Variants in TCF12 observed in about 807,000 individuals in gnomAD.
TCF12 encodes DNA-binding protein HTF4.
A neutral mutation model predicts 86.0 loss-of-function variants in TCF12; 45 were observed. That is an observed-to-expected ratio of 0.52 (90% CI 0.41 to 0.67). TCF12 has a LOEUF of 0.67. Ranked by LOEUF, TCF12 falls within the 30% of genes least tolerant of loss-of-function variation. The pLI is 0.00. For synonymous variants in TCF12, 330 were observed against 299.6 expected, an observed-to-expected ratio of 1.10 and a Z score of -1.05; for missense variants, 881 against 859.9, an observed-to-expected ratio of 1.02 and a Z score of -0.31.
At chr15:57,066,875 C>G (rs1423399899) in intron 4 of TCF12, among the ~76,000 whole-genome samples, 1 of 152,120 alleles carries the variant, frequency 6.6e-6, no homozygotes, top group African/African-American at 2.4e-5. Context: ...TGAACTTATT[C>G]TTTATTTAAT....
At chr15:57,082,433 A>T (rs1882660601) in intron 4 of TCF12, among the ~76,000 whole-genome samples, 1 of 152,230 alleles carries the variant, frequency 6.6e-6, no homozygotes, top group African/African-American at 2.4e-5. Flanking sequence ...CTTAAGATGA[A>T]CCGAAGAGGC....
chr15:56,961,858 A>G (rs761866558), intron 3 of TCF12, among the ~76,000 whole-genome samples: 7 of 152,186 alleles, frequency 4.6e-5, no homozygotes, highest in South Asian at 2.1e-4. Flanking sequence ...AATATGTTTA[A>G]TGGGCCGGGC....
chr15:57,132,567 T>A (rs2151355880), intron 5 of TCF12, among the ~76,000 whole-genome samples: 1 of 152,336 alleles, frequency 6.6e-6, no homozygotes, highest in Middle Eastern at 3.4e-3. Flanking sequence ...TCTAAGGACC[T>A]TTAAGGTGCC....
chr15:57,109,678 A>G (rs939381235), intron 5 of TCF12, among the ~76,000 whole-genome samples: 6 of 152,162 alleles, frequency 3.9e-5, no homozygotes, highest in Admixed American at 2.6e-4. Context: ...GATGGATACT[A>G]TTGTATATTT....
At chr15:57,251,158 C>A in intron 13 of TCF12, 192 bp from the exon 14 acceptor site, 1 of 450,438 alleles carries the variant, frequency 2.2e-6, no homozygotes. Flanking sequence ...CTCAGCACCC[C>A]ATTTTTTTTA....
In TCF12 at chr15:57,209,478, A is replaced by G. The variant is rs893098533; in HGVS notation, c.579+11653A>G. On this transcript the variant is annotated intron_variant, in intron 8 of 20. Transcript: ENST00000333725. ...TACAGGAATTATTTTTCTAAAGGAA[A>G]TAAGTTACGGTTTCATTGACATAAA... Among the ~76,000 whole-genome samples the G allele has an allele frequency of 2.6e-5, 4 of 152,242 alleles. No homozygotes were observed. In the East Asian group the frequency reaches 7.7e-4, roughly 29 times the overall value.
intron 6 of TCF12, among the ~76,000 whole-genome samples, chr15:57,183,495 A>G (rs1250047616): frequency 6.6e-6 from 1 of 152,130 alleles, no homozygotes; most frequent in African/African-American, 2.4e-5. Flanking sequence ...CGTATTTCCA[A>G]CATCCTTTCT....
At chr15:57,176,971 G>A (rs1177692550) in intron 6 of TCF12, among the ~76,000 whole-genome samples, 4 of 152,158 alleles carry the variant, frequency 2.6e-5, no homozygotes, top group African/African-American at 9.7e-5. Flanking sequence ...GAGTCACGAA[G>A]ATTAAGAAGA....
intron 5 of TCF12, among the ~76,000 whole-genome samples, chr15:57,165,159 T>TGTGC (rs1169354528): frequency 1.3e-5 from 2 of 150,148 alleles, no homozygotes; most frequent in Non-Finnish European, 3.0e-5. Context: ...TGTGTGTGTG[T>TGTGC]GTGTGCGTAC....
At chr15:57,169,179 T>C (rs1294392889) in intron 6 of TCF12, among the ~76,000 whole-genome samples, 1 of 152,222 alleles carries the variant, frequency 6.6e-6, no homozygotes, top group Non-Finnish European at 1.5e-5. Flanking sequence ...GACATATCAT[T>C]AAGCTAACTT....
intron 3 of TCF12, among the ~76,000 whole-genome samples, chr15:56,926,432 T>C (rs1164623238): frequency 6.6e-6 from 1 of 152,072 alleles, no homozygotes; most frequent in African/African-American, 2.4e-5. Context: ...ATTGAGTCCA[T>C]AAGAAAGAGG....
chr15:57,086,212 G>GATGATGATA (rs1555501430), intron 4 of TCF12, among the ~76,000 whole-genome samples: 3 of 141,616 alleles, frequency 2.1e-5, no homozygotes, highest in South Asian at 2.3e-4. Context: ...GGATGATGAT[G>GATGATGATA]ATAATAATAA....
In TCF12 at chr15:57,096,146, A is replaced by G. The variant is rs145076931; in HGVS notation, c.325+4255A>G. ...ATTATGGAGACACTGATCTTGATGG[A>G]TGACCGTGGAAAAACGGTTCCACAG... On this transcript the variant is annotated intron_variant, in intron 5 of 20. Coordinates refer to ENST00000333725, the MANE Select transcript of TCF12 (RefSeq NM_207037.2). 4.4e-3 allele frequency among the ~76,000 whole-genome samples: 663 copies of G among 152,272 alleles called. 7 individuals are homozygous for G. Among genetic ancestry groups the G allele is most frequent in the Admixed American group, 0.024 (364 of 15,290 alleles).
At chr15:57,053,873 A>G (rs1361818388) in intron 3 of TCF12, among the ~76,000 whole-genome samples, 4 of 152,154 alleles carry the variant, frequency 2.6e-5, no homozygotes, top group African/African-American at 9.7e-5. Flanking sequence ...TGATGACCTG[A>G]AAGAGTTTAG....
intron 13 of TCF12, chr15:57,247,097 C>A: frequency 1.7e-6 from 1 of 573,972 alleles, no homozygotes; most frequent in South Asian, 1.5e-5. Context: ...CATTATAGTT[C>A]CCACCACCAC....
chr15:57,230,376 T>C (rs1260576737), intron 8 of TCF12, among the ~76,000 whole-genome samples: 1 of 152,010 alleles, frequency 6.6e-6, no homozygotes, highest in Non-Finnish European at 1.5e-5. Context: ...CACCTTTGTT[T>C]CAATAGTTAT....
chr15:57,209,537 C>G (rs1858527232), intron 8 of TCF12, among the ~76,000 whole-genome samples: 1 of 152,188 alleles, frequency 6.6e-6, no homozygotes, highest in African/African-American at 2.4e-5. Context: ...ATTTCTCTTA[C>G]TAGAATTCTC....
chr15:57,151,535 G>C (rs1467304403), intron 5 of TCF12, among the ~76,000 whole-genome samples: 1 of 152,080 alleles, frequency 6.6e-6, no homozygotes, highest in African/African-American at 2.4e-5. Context: ...GAGAGGCCAA[G>C]GAGGACAGAT....
intron 3 of TCF12, among the ~76,000 whole-genome samples, chr15:56,989,448 C>CA (rs1411239945): frequency 2.6e-5 from 4 of 152,204 alleles, no homozygotes; most frequent in Non-Finnish European, 2.9e-5. Flanking sequence ...ACAAACAAAA[C>CA]AAAAAAACCA....
Sources: gnomAD v4.1 joint callset for allele counts (sites outside exome capture counted in the v4.1 genomes callset) on GRCh38, gnomAD v4.1.1 for gene constraint, MANE v1.5 for transcripts, NCBI Gene and HGNC (gene_info 2026-07-23, HGNC 2026-07-21) for gene names.